The following SUGCT variants were observed in gnomAD, a reference collection of about 807,000 sequenced individuals.
The protein encoded by SUGCT is succinyl-CoA:glutarate-CoA transferase.
Under a neutral mutation model 55.0 loss-of-function variants are expected in SUGCT, and 41 were observed. The observed-to-expected ratio is 0.74, with a 90% CI of 0.58 to 0.97. The LOEUF (loss-of-function observed/expected upper bound fraction) is 0.97, where lower values mean the gene tolerates loss of function less well. Ranked by LOEUF, SUGCT falls within the 50% of genes least tolerant of loss-of-function variation. The probability of loss-of-function intolerance (pLI) is 0.00; values close to 1 mark genes in which losing one functional copy is unlikely to be tolerated. For synonymous variants in SUGCT, 187 were observed against 200.4 expected (o/e 0.93, Z 0.56); for missense variants, 568 against 547.8 (o/e 1.04, Z -0.37).
chr7:40,927,530 C>T, the SUGCT span, among the ~76,000 whole-genome samples: 8 of 152,280 alleles, frequency 5.3e-5, no homozygotes, highest in East Asian at 5.8e-4. Flanking sequence ...CTTTGCATAC[C>T]AGGAAATACT....
At chr7:40,783,704 C>T (rs533154682) in intron 13 of SUGCT, 1 of 152,184 alleles carries the variant, frequency 6.6e-6, no homozygotes, top group East Asian at 1.9e-4. Flanking sequence ...AGGAAATAGT[C>T]CCATTGATGA....
chr7:40,772,931 T>C (rs1037974394), intron 13 of SUGCT, among the ~76,000 whole-genome samples: 1 of 152,302 alleles, frequency 6.6e-6, no homozygotes. Context: ...GCTTGAAATA[T>C]TTTGTATTCC....
intron 12 of SUGCT, among the ~76,000 whole-genome samples, chr7:40,565,969 ACACACACACACACACACACACACG>A (rs920074665): frequency 6.0e-5 from 6 of 99,734 alleles, no homozygotes; most frequent in African/African-American, 2.5e-4. Flanking sequence ...CTGGCATATC[ACACACACACACACACACACACACG>A]CACACACACA....
chr7:40,240,952 G>C (rs138973024), intron 7 of SUGCT, among the ~76,000 whole-genome samples: 2 of 152,294 alleles, frequency 1.3e-5, no homozygotes, highest in East Asian at 3.9e-4. Flanking sequence ...AGATGCTGGA[G>C]AGTCTGGTAG....
At chr7:40,863,259 T>G (rs531005925), downstream of SUGCT, among the ~76,000 whole-genome samples, 1 of 152,208 alleles carries the variant, frequency 6.6e-6, no homozygotes, top group Admixed American at 6.5e-5. Context: ...TTATACAGGC[T>G]AGTTCATACC....
At chr7:40,701,328 C>A (rs918981754) in intron 12 of SUGCT, among the ~76,000 whole-genome samples, 9 of 152,198 alleles carry the variant, frequency 5.9e-5, no homozygotes, top group Admixed American at 2.6e-4. Context: ...TCAGCCACGG[C>A]AGCCACTTCA....
At chr7:40,811,601 T>G (rs770525253) in intron 13 of SUGCT, among the ~76,000 whole-genome samples, 10 of 152,132 alleles carry the variant, frequency 6.6e-5, no homozygotes, top group Non-Finnish European at 1.5e-4. Flanking sequence ...ATGCTGCTGA[T>G]TTTTGTACAT....
At chr7:40,816,968 G>A (rs749299574) in intron 13 of SUGCT, among the ~76,000 whole-genome samples, 61 of 152,326 alleles carry the variant, frequency 4.0e-4, no homozygotes, top group Middle Eastern at 3.4e-3. Context: ...ATAAGAAGAT[G>A]ATGAGAATAG....
At chr7:40,166,835 C>T (rs868208457) in intron 1 of SUGCT, among the ~76,000 whole-genome samples, 19 of 150,268 alleles carry the variant, frequency 1.3e-4, no homozygotes, top group Middle Eastern at 3.4e-3. Flanking sequence ...TGCAGTGAGC[C>T]GAGATTGCGC....
chr7:40,348,111 C>A (rs1050580332), intron 9 of SUGCT, among the ~76,000 whole-genome samples: 7 of 152,218 alleles, frequency 4.6e-5, no homozygotes, highest in African/African-American at 1.7e-4. Context: ...TGAAGTCCTG[C>A]ACGGGGGTTG....
chr7:40,659,283 G>A (rs1452486424), intron 12 of SUGCT, among the ~76,000 whole-genome samples: 2 of 152,182 alleles, frequency 1.3e-5, no homozygotes, highest in Non-Finnish European at 2.9e-5. Flanking sequence ...GATGTCATGT[G>A]GAGGTGTAGT....
intron 9 of SUGCT, among the ~76,000 whole-genome samples, chr7:40,363,258 A>C (rs1301088281): frequency 6.6e-6 from 1 of 151,876 alleles, no homozygotes; most frequent in African/African-American, 2.4e-5. Flanking sequence ...CCTTTCAAAA[A>C]ACCAGCTCCT....
At position 40,245,954 on chromosome 7, in the gene SUGCT, C is replaced by T. The variant is rs1789845701; in HGVS notation, c.576+8228C>T. 1.3e-5 allele frequency among the ~76,000 whole-genome samples: 2 copies of T among 151,938 alleles called. 1 individual carries two copies. Among genetic ancestry groups the T allele is most frequent in the East Asian group, 3.9e-4 (2 of 5,154 alleles). ...GGCTGAATCGATCCTCCCATGTCAG[C>T]CTCCTGAATAGCTGGAACTACAAGC... On this transcript the variant is annotated intron_variant, in intron 7 of 13. Transcript: ENST00000335693.
intron 6 of SUGCT, among the ~76,000 whole-genome samples, chr7:40,213,430 A>G (rs9791485): frequency 0.12 from 18,545 of 152,192 alleles, 1,846 homozygotes; most frequent in East Asian, 0.43. Flanking sequence ...TACAGAGGTG[A>G]AGTACCCTTC....
intron 13 of SUGCT, among the ~76,000 whole-genome samples, chr7:40,830,127 A>C (rs902850310): frequency 6.6e-6 from 1 of 151,982 alleles, no homozygotes; most frequent in Non-Finnish European, 1.5e-5. Flanking sequence ...TGTGTCCCCA[A>C]CTGCCACCAC....
At chr7:40,505,794 T>C (rs1473637560) in intron 12 of SUGCT, among the ~76,000 whole-genome samples, 1 of 152,080 alleles carries the variant, frequency 6.6e-6, no homozygotes, top group Non-Finnish European at 1.5e-5. Context: ...CAAGTCTATA[T>C]TGATAATATT....
At chr7:40,925,906 C>A in the SUGCT span, among the ~76,000 whole-genome samples, 1 of 152,158 alleles carries the variant, frequency 6.6e-6, no homozygotes, top group East Asian at 1.9e-4. Flanking sequence ...CCAGCCTGGG[C>A]AACATGGCGA....
chr7:40,435,414 T>C (rs1027118202), intron 9 of SUGCT, among the ~76,000 whole-genome samples: 1 of 152,156 alleles, frequency 6.6e-6, no homozygotes. Context: ...TCTGAAACTC[T>C]CCTCTATTTT....
intron 8 of SUGCT, among the ~76,000 whole-genome samples, chr7:40,295,355 C>T (rs1039091767): frequency 2.6e-5 from 4 of 152,178 alleles, no homozygotes; most frequent in Non-Finnish European, 4.4e-5. Context: ...GCAGGCGGAT[C>T]ACCTGAGGTC....
Sources: gnomAD v4.1 joint callset for allele counts (sites outside exome capture counted in the v4.1 genomes callset) on GRCh38, gnomAD v4.1.1 for gene constraint, MANE v1.5 for transcripts, NCBI Gene and HGNC (gene_info 2026-07-23, HGNC 2026-07-21) for gene names.